The following CMSS1 variants were observed in gnomAD, a reference collection of about 807,000 sequenced individuals.
CMSS1 encodes protein CMSS1.
In CMSS1, 33 loss-of-function variants were observed where a neutral mutation model predicts 43.5. The observed-to-expected ratio is 0.76, with a 90% CI of 0.57 to 1.01. The LOEUF (loss-of-function observed/expected upper bound fraction) is 1.01, where lower values mean the gene tolerates loss of function less well. Ranked by LOEUF, CMSS1 falls within the 50% of genes least tolerant of loss-of-function variation. CMSS1 has a pLI of 0.00. For missense variants in CMSS1, 313 were observed against 326.4 expected, an observed-to-expected ratio of 0.96 and a Z score of 0.32; for synonymous variants, 115 against 117.2, an observed-to-expected ratio of 0.98 and a Z score of 0.12.
At chr3:99,981,197 T>C (rs1206272353) in intron 1 of CMSS1, among the ~76,000 whole-genome samples, 1 of 152,178 alleles carries the variant, frequency 6.6e-6, no homozygotes, top group African/African-American at 2.4e-5. Context: ...ACCTGACTTT[T>C]GTTATTTTAT....
At chr3:99,911,162 TTGCTTCAGCCAAATGGAAATG>T (rs1245457371) in intron 1 of CMSS1, among the ~76,000 whole-genome samples, 2 of 152,082 alleles carry the variant, frequency 1.3e-5, no homozygotes, top group Non-Finnish European at 2.9e-5. Context: ...ATTTTTCCAT[TTGCTTCAGCCAAATGGAAATG>T]TATTTCTTCA....
intron 1 of CMSS1, among the ~76,000 whole-genome samples, chr3:100,078,594 G>GA (rs199798690): frequency 1.2e-4 from 18 of 149,608 alleles, no homozygotes; most frequent in African/African-American, 2.4e-4. Flanking sequence ...ATGAGGTAAA[G>GA]AAAAAAAAAA....
intron 1 of CMSS1, among the ~76,000 whole-genome samples, chr3:99,823,106 A>G (rs997853750): frequency 6.6e-6 from 1 of 152,244 alleles, no homozygotes; most frequent in East Asian, 1.9e-4. Context: ...CGGCTTAAAG[A>G]GACTCATAAT....
intron 1 of CMSS1, among the ~76,000 whole-genome samples, chr3:100,086,180 A>G (rs143116817): frequency 0.011 from 1,634 of 152,350 alleles, 35 homozygotes; most frequent in African/African-American, 0.036. Context: ...TGGCAGTGGT[A>G]GAGAGTCTTT....
intron 1 of CMSS1, among the ~76,000 whole-genome samples, chr3:99,896,814 T>A (rs1706270331): frequency 6.6e-6 from 1 of 152,220 alleles, no homozygotes; most frequent in South Asian, 2.1e-4. Flanking sequence ...ATAAGCAATG[T>A]TGCCTACTAA....
chr3:100,175,035 T>G (rs542680444), intron 8 of CMSS1, among the ~76,000 whole-genome samples: 76 of 152,332 alleles, frequency 5.0e-4, no homozygotes, highest in African/African-American at 1.7e-3. Context: ...CTATATCTCA[T>G]GAGGACTTAC....
chr3:99,949,380 T>C (rs1055052568), intron 1 of CMSS1, among the ~76,000 whole-genome samples: 1 of 152,260 alleles, frequency 6.6e-6, no homozygotes, highest in Admixed American at 6.5e-5. Context: ...AATATTTAAA[T>C]ATACTTAGGA....
intron 1 of CMSS1, among the ~76,000 whole-genome samples, chr3:100,042,640 T>A (rs896602739): frequency 6.6e-6 from 1 of 152,222 alleles, no homozygotes; most frequent in South Asian, 2.1e-4. Flanking sequence ...CAGATGATAC[T>A]GTATTTACTG....
At chr3:99,911,616 T>C (rs1471838107) in intron 1 of CMSS1, among the ~76,000 whole-genome samples, 1 of 152,168 alleles carries the variant, frequency 6.6e-6, no homozygotes, top group African/African-American at 2.4e-5. Context: ...TGTGAGTGCA[T>C]TTCTCTGCCT....
intron 1 of CMSS1, among the ~76,000 whole-genome samples, chr3:99,929,054 C>G (rs1044055931): frequency 6.6e-6 from 1 of 152,206 alleles, no homozygotes; most frequent in African/African-American, 2.4e-5. Flanking sequence ...TTGTCTGAAA[C>G]TTGCTTTCAC....
At chr3:100,070,701 G>A (rs1468437528) in intron 1 of CMSS1, among the ~76,000 whole-genome samples, 1 of 151,978 alleles carries the variant, frequency 6.6e-6, no homozygotes, top group Non-Finnish European at 1.5e-5. Context: ...GCGCAATCTC[G>A]GCTCACTGCA....
At chr3:99,840,354 G>A (rs1488569538) in intron 1 of CMSS1, among the ~76,000 whole-genome samples, 1 of 149,682 alleles carries the variant, frequency 6.7e-6, no homozygotes, top group Admixed American at 6.8e-5. Context: ...CTCCCAAGTA[G>A]CTGGGATTAC....
intron 1 of CMSS1, among the ~76,000 whole-genome samples, chr3:99,991,229 T>C (rs1709501987): frequency 1.3e-5 from 2 of 152,220 alleles, no homozygotes; most frequent in South Asian, 2.1e-4. Context: ...GAGAATGTTC[T>C]CATTAGAAAT....
At chr3:99,896,427 A>G (rs531943554) in intron 1 of CMSS1, among the ~76,000 whole-genome samples, 1 of 152,280 alleles carries the variant, frequency 6.6e-6, no homozygotes, top group East Asian at 1.9e-4. Flanking sequence ...TGTGAAGTGT[A>G]TATATTTTCT....
chr3:99,821,265 G>A (rs939698091), intron 1 of CMSS1, among the ~76,000 whole-genome samples: 8 of 152,206 alleles, frequency 5.3e-5, no homozygotes, highest in Non-Finnish European at 7.4e-5. Context: ...ATATATGTGT[G>A]TATGCGTGTT....
At chr3:99,962,414 G>A (rs1362241235) in intron 1 of CMSS1, among the ~76,000 whole-genome samples, 1 of 152,116 alleles carries the variant, frequency 6.6e-6, no homozygotes, top group Non-Finnish European at 1.5e-5. Flanking sequence ...AGGTCATTTA[G>A]GTTTTGGAAT....
rs1187190645 is a variant in CMSS1, at chr3:99,973,735, C to G, written c.64+155692C>G. Among the ~76,000 whole-genome samples the G allele has an allele frequency of 2.6e-5, 4 of 152,086 alleles. No homozygotes were observed. The East Asian group carries it at 5.8e-4, about 22-fold the overall frequency. On this transcript the variant is annotated intron_variant, in intron 1 of 9. Coordinates refer to ENST00000421999, the MANE Select transcript of CMSS1 (RefSeq NM_032359.4). ...GCACTCAAAAACCTATTTAAGCTCA[C>G]TTTTTTCCCCCAGTTTGGGTAGCTT...
At chr3:99,824,752 A>T (rs1942506620) in intron 1 of CMSS1, among the ~76,000 whole-genome samples, 1 of 152,216 alleles carries the variant, frequency 6.6e-6, no homozygotes, top group East Asian at 1.9e-4. Context: ...CCATATTTGG[A>T]TTTAATTTTA....
chr3:99,887,713 GATATAC>G (rs1705953611), intron 1 of CMSS1, among the ~76,000 whole-genome samples: 1 of 152,134 alleles, frequency 6.6e-6, no homozygotes. Context: ...GGAATACCCA[GATATAC>G]ATATAATATA....
Sources: gnomAD v4.1 joint callset for allele counts (sites outside exome capture counted in the v4.1 genomes callset) on GRCh38, gnomAD v4.1.1 for gene constraint, MANE v1.5 for transcripts, NCBI Gene and HGNC (gene_info 2026-07-23, HGNC 2026-07-21) for gene names.